The following PCDHGA3 variants were observed in gnomAD, a reference collection of about 807,000 sequenced individuals.
PCDHGA3 encodes protocadherin gamma-A3.
In PCDHGA3, 40 loss-of-function variants were observed where a neutral mutation model predicts 58.5. The ratio of observed to expected loss-of-function variants is 0.68; its 90% CI spans 0.53 to 0.89. The LOEUF (loss-of-function observed/expected upper bound fraction) is 0.89, where lower values mean the gene tolerates loss of function less well. PCDHGA3 is among the 40% of genes least tolerant of loss of function. The pLI, the probability that PCDHGA3 is intolerant of heterozygous loss-of-function variation, is 0.00. For synonymous variants in PCDHGA3, 530 were observed against 525.7 expected (o/e 1.01, Z -0.11); for missense variants, 1,223 against 1,195.9 (o/e 1.02, Z -0.33).
chr5:141,366,958 A>G, intron 1 of PCDHGA3: 1 of 658,344 alleles, frequency 1.5e-6, no homozygotes, highest in Non-Finnish European at 2.4e-6. Flanking sequence ...TGTAGACTTA[A>G]GTGAAACAAA....
chr5:141,476,179 T>C lies in PCDHGA3; in HGVS notation c.2425-18628T>C, dbSNP rs1283155400. 26 of 1,613,476 alleles carry C rather than the reference T, an allele frequency of 1.6e-5. No homozygotes were observed. The highest frequency in any genetic ancestry group is 2.0e-5 in the Non-Finnish European group (24 of 1,179,998). On this transcript the variant is annotated intron_variant, in intron 1 of 3. Transcript: ENST00000253812. This position sits in a 1 kb window ranked among gnomAD's most constrained non-coding sequence, Gnocchi z 7.6. Reference sequence around the variant, plus strand: ...CCGGGAGGGTAGTGGGAGTTTTGCTTCTGCTTGGTGCCTTGAACAAGGCTT... The same window carrying C: ...CCGGGAGGGTAGTGGGAGTTTTGCTCCTGCTTGGTGCCTTGAACAAGGCTT...
rs1029546280 is a variant in PCDHGA3 at position 141,423,551 on chromosome 5, A to G, written c.2425-71256A>G. On this transcript the variant is annotated intron_variant, in intron 1 of 3. Coordinates refer to ENST00000253812, the MANE Select transcript of PCDHGA3 (RefSeq NM_018916.4). ...AGTCACCTGATTTTCCCCCAGCCCA[A>G]CTATGGGGACACGCTCATCAGCCAG... The G allele has an allele frequency of 2.5e-6, 4 of 1,613,498 alleles. No individual in the cohort carries two copies. The African/African-American group carries it at 5.3e-5, about 22-fold the overall frequency.
Position 141,457,874 on chromosome 5 carries a change from G to A in PCDHGA3, c.2425-36933G>A, listed in dbSNP as rs1592531610. Among the ~76,000 whole-genome samples, 7 of 152,320 alleles carry A rather than the reference G, an allele frequency of 4.6e-5. No homozygotes were observed. In the South Asian group the frequency reaches 1.5e-3, roughly 32 times the overall value. On this transcript the variant is annotated intron_variant, in intron 1 of 3. Transcript: ENST00000253812. ...ACATTCTTCACTGACCACAGGTTAGGAACCCTGTGTGGGGACTGTGTAGAC... is the reference window on the plus strand; with the variant it reads ...ACATTCTTCACTGACCACAGGTTAGAAACCCTGTGTGGGGACTGTGTAGAC...
At chr5:141,367,696 AG>A (rs574151601) in intron 1 of PCDHGA3, 1 of 152,176 alleles carries the variant, frequency 6.6e-6, no homozygotes, top group Non-Finnish European at 1.5e-5. Flanking sequence ...ATCAGTGTAA[AG>A]GAACCTTAAG....
intron 1 of PCDHGA3, chr5:141,395,537 ATTGT>A (rs1179408656): frequency 3.7e-5 from 9 of 243,938 alleles, no homozygotes; most frequent in Admixed American, 8.6e-5. Context: ...TAATTTTGCT[ATTGT>A]TTGTGTGTGT....
chr5:141,369,478 G>A lies in PCDHGA3; in HGVS notation c.2424+23021G>A, dbSNP rs139702118. 6.3e-3 allele frequency among the ~76,000 whole-genome samples: 955 copies of A among 152,098 alleles called. 15 individuals carry two copies. The highest frequency in any genetic ancestry group is 0.022 in the African/African-American group (913 of 41,484). ...AGCCAGGTGTTCTAGCCCAGCCTGG[G>A]CAACATAGTGAAACCCCACCTCTAT... is the stretch of plus-strand genomic sequence containing the variant. On this transcript the variant is annotated intron_variant, in intron 1 of 3. Coordinates refer to ENST00000253812, the MANE Select transcript of PCDHGA3 (RefSeq NM_018916.4).
intron 1 of PCDHGA3, chr5:141,410,576 C>T (rs533810160): frequency 8.7e-6 from 14 of 1,611,152 alleles, no homozygotes; most frequent in Non-Finnish European, 1.2e-5. Context: ...AATTCCACCT[C>T]ATGGTGGGGA....
chr5:141,476,455 G>C lies in PCDHGA3; in HGVS notation c.2425-18352G>C, dbSNP rs572682842. On this transcript the variant is annotated intron_variant, in intron 1 of 3. Transcript: ENST00000253812. The surrounding 1 kb of genome is among the most constrained non-coding windows in gnomAD (Gnocchi z 7.6). ...CTGTAACTCTGGAGTTGGTAGTGGA[G>C]AACCCGCTGGAGCTGTTCAGCGTGG... 22 of 1,614,152 alleles carry C rather than the reference G, an allele frequency of 1.4e-5. No homozygotes were observed. In the South Asian group the frequency reaches 2.4e-4, roughly 18 times the overall value.
chr5:141,454,917 C>T (rs1185153715), intron 1 of PCDHGA3, among the ~76,000 whole-genome samples: 1 of 149,330 alleles, frequency 6.7e-6, no homozygotes, highest in Non-Finnish European at 1.5e-5. Flanking sequence ...ACGCCATTCT[C>T]CTGCCTCAGC....
chr5:141,376,374 G>GT (rs778102910), intron 1 of PCDHGA3: 18 of 1,614,072 alleles, frequency 1.1e-5, no homozygotes, highest in East Asian at 1.1e-4. Context: ...GCAGACTCGC[G>GT]TAAGAGTCAT....
rs562479827 is a variant in PCDHGA3, at chr5:141,430,802, C to A, written c.2425-64005C>A. The A allele has an allele frequency of 1.2e-5, 18 of 1,524,776 alleles. No homozygotes were observed. The East Asian group carries it at 3.9e-4, about 33-fold the overall frequency. The allele number at this position is 1,524,776 out of a possible 1,614,324, so 94.5% of individuals were successfully genotyped here. On this transcript the variant is annotated intron_variant, in intron 1 of 3. Coordinates refer to ENST00000253812, the MANE Select transcript of PCDHGA3 (RefSeq NM_018916.4). ...GCACCGGGACTACAAAGGGCTTGTC[C>A]TGCTGGGAATCCTCCTGGGGACTCT... is the stretch of plus-strand genomic sequence containing the variant.
chr5:141,366,830 C>T, intron 1 of PCDHGA3: 1 of 1,521,896 alleles, frequency 6.6e-7, no homozygotes, highest in Non-Finnish European at 8.8e-7. Context: ...TATTCAGAAT[C>T]AGCTAGTTAT....
At chr5:141,434,536 T>C (rs1037347477) in intron 1 of PCDHGA3, among the ~76,000 whole-genome samples, 7 of 152,186 alleles carry the variant, frequency 4.6e-5, no homozygotes, top group Non-Finnish European at 8.8e-5. Context: ...CCACAAACAA[T>C]AGCATGAGTG....
At chr5:141,376,323 G>T in intron 1 of PCDHGA3, 1 of 1,614,162 alleles carries the variant, frequency 6.2e-7, no homozygotes, top group South Asian at 1.1e-5. Flanking sequence ...GAAGGGGTTC[G>T]GGCTTTCCTG....
chr5:141,415,736 T>G, intron 1 of PCDHGA3: 1 of 1,289,978 alleles, frequency 7.8e-7, no homozygotes, highest in South Asian at 1.8e-5. Context: ...TGATGTTTAT[T>G]AAGGTTTTTT....
chr5:141,438,631 TATATACACACAC>T (rs1290318462), intron 1 of PCDHGA3, among the ~76,000 whole-genome samples: 214 of 43,192 alleles, frequency 5.0e-3, no homozygotes, highest in Non-Finnish European at 6.1e-3. Flanking sequence ...TATATATATA[TATATACACACAC>T]ACACACACAT....
chr5:141,462,983 T>C (rs530985795), intron 1 of PCDHGA3, among the ~76,000 whole-genome samples: 278 of 152,304 alleles, frequency 1.8e-3, no homozygotes, highest in Non-Finnish European at 3.4e-3. Flanking sequence ...AACTTTTGCC[T>C]TGGGCTAATT....
intron 1 of PCDHGA3, chr5:141,479,691 C>T (rs2099503603): frequency 6.6e-6 from 1 of 152,206 alleles, no homozygotes; most frequent in Non-Finnish European, 1.5e-5. Context: ...TTTGGTGCCT[C>T]CAGTGTTAGT....
Position 141,432,668 on chromosome 5 carries a change from G to C in PCDHGA3, c.2425-62139G>C, listed in dbSNP as rs1202414814. 2.5e-6 allele frequency: 4 copies of C among 1,613,742 alleles called. No individual in the cohort carries two copies. The highest frequency in any genetic ancestry group is 2.2e-5 in the South Asian group (2 of 91,068). On this transcript the variant is annotated intron_variant, in intron 1 of 3. Coordinates refer to ENST00000253812, the MANE Select transcript of PCDHGA3 (RefSeq NM_018916.4). This position sits in a 1 kb window ranked among gnomAD's most constrained non-coding sequence, Gnocchi z 6.0. The stretch of plus-strand genomic sequence containing the variant: ...GGCGCGAGCCCTGCTGGACAGAGAC[G>C]CGCTCAAGCAGAGCCTCGTAGTGGC...
Sources: gnomAD v4.1 joint callset for allele counts (sites outside exome capture counted in the v4.1 genomes callset) on GRCh38, gnomAD v4.1.1 for gene constraint, Gnocchi (gnomAD v3.1) non-coding constraint, MANE v1.5 for transcripts, NCBI Gene and HGNC (gene_info 2026-07-23, HGNC 2026-07-21) for gene names.